Variants in CFAP20DC observed in about 807,000 individuals in gnomAD.
CFAP20DC encodes the protein protein CFAP20DC.
A neutral mutation model predicts 101.7 loss-of-function variants in CFAP20DC; 84 were observed. The ratio of observed to expected loss-of-function variants is 0.83; its 90% CI spans 0.69 to 0.99. The LOEUF is 0.99. CFAP20DC is among the 50% of genes least tolerant of loss of function. CFAP20DC has a pLI of 0.00. For missense variants in CFAP20DC, 1,007 were observed against 970.3 expected (o/e 1.04, Z -0.50); for synonymous variants, 359 against 351.2 (o/e 1.02, Z -0.25).
intron 14 of CFAP20DC, among the ~76,000 whole-genome samples, chr3:58,827,944 C>T (rs1434060912): frequency 6.6e-6 from 1 of 152,178 alleles, no homozygotes; most frequent in Non-Finnish European, 1.5e-5. Context: ...ACTCTTGTGG[C>T]AGAGAAGGTG....
intron 16 of CFAP20DC, among the ~76,000 whole-genome samples, chr3:58,750,042 G>A (rs2068459670): frequency 6.6e-6 from 1 of 152,142 alleles, no homozygotes; most frequent in Non-Finnish European, 1.5e-5. Flanking sequence ...CGAATGCAGT[G>A]CTCTTCCTGC....
rs1576277449 is a variant in CFAP20DC, at chr3:58,912,840, A to G, written c.550+868T>C. On this transcript the variant is annotated intron_variant, in intron 6 of 16. Transcript: ENST00000482387. This position sits in a 1 kb window ranked among gnomAD's most constrained non-coding sequence, Gnocchi z 4.4. ...GAAGAACTCAACTCTTTCCATTTTA[A>G]CTTGATCACTAGAAAATTAATATGA... 2.4e-6 allele frequency: 1 copy of G among 423,874 alleles called. No homozygotes were observed. Among genetic ancestry groups the G allele is most frequent in the Non-Finnish European group, 4.6e-6 (1 of 215,216 alleles). 26.3% of individuals were successfully genotyped at this position (423,874 alleles called of 1,614,324 possible). A position where few individuals can be genotyped will look rare whatever the true frequency, so the allele number is the denominator to read the frequency against.
chr3:58,944,603 C>A (rs2107901970), intron 4 of CFAP20DC, among the ~76,000 whole-genome samples: 1 of 151,818 alleles, frequency 6.6e-6, no homozygotes, highest in East Asian at 1.9e-4. Context: ...TACAGCAGTA[C>A]CAAGGATTCC....
chr3:58,990,101 G>C (rs1039218267), intron 4 of CFAP20DC, among the ~76,000 whole-genome samples: 1 of 152,128 alleles, frequency 6.6e-6, no homozygotes, highest in Non-Finnish European at 1.5e-5. Context: ...AATGCATTTT[G>C]TGTTCTCACA....
rs1346915153 is a variant in CFAP20DC, at chr3:58,728,833, G to T, written c.198-11205C>A. ...TCCAAGACATCTCTCAACAGCCCTA[G>T]CCTCCTGAAATTTACACCCTGTGTA... On this transcript the variant is annotated intron_variant, in intron 3 of 3. Transcript: ENST00000486145. This position sits in a 1 kb window ranked among gnomAD's most constrained non-coding sequence, Gnocchi z 4.7. 6.6e-6 allele frequency among the ~76,000 whole-genome samples: 1 copy of T among 152,060 alleles called. No homozygotes were observed. Among genetic ancestry groups the T allele is most frequent in the Non-Finnish European group, 1.5e-5 (1 of 68,008 alleles).
chr3:58,722,327 G>A lies in CFAP20DC; in HGVS notation c.198-4699C>T, dbSNP rs1380263778. The stretch of plus-strand genomic sequence containing the variant: ...GTTAAGCTGTCCACGGAACCCATGC[G>A]TGTACTACTATGGTAGTGGTCTTAT... On this transcript the variant is annotated intron_variant, in intron 3 of 3. Transcript: ENST00000486145. This position sits in a 1 kb window ranked among gnomAD's most constrained non-coding sequence, Gnocchi z 4.5. Among the ~76,000 whole-genome samples the A allele has an allele frequency of 3.3e-5, 5 of 152,166 alleles. No homozygotes were observed. The highest frequency in any genetic ancestry group is 7.3e-5 in the Non-Finnish European group (5 of 68,036).
chr3:58,786,756 C>T (rs554772554), intron 15 of CFAP20DC, among the ~76,000 whole-genome samples: 65 of 151,624 alleles, frequency 4.3e-4, no homozygotes, highest in African/African-American at 1.4e-3. Flanking sequence ...GTAAAAACCG[C>T]AAAAGTTCCC....
chr3:58,849,664 A>T (rs538350806), intron 12 of CFAP20DC, among the ~76,000 whole-genome samples: 2 of 152,300 alleles, frequency 1.3e-5, no homozygotes, highest in East Asian at 3.9e-4. Context: ...CATGAAAAAC[A>T]AGAGAACATT....
chr3:58,769,415 T>C (rs1447584332), intron 15 of CFAP20DC, among the ~76,000 whole-genome samples: 2 of 152,218 alleles, frequency 1.3e-5, no homozygotes, highest in African/African-American at 2.4e-5. Context: ...CCCATTTGTG[T>C]GACTGAATCG....
intron 16 of CFAP20DC, 85 bp downstream of exon 16, chr3:58,753,684 C>G (rs1249691626): frequency 1.1e-6 from 1 of 895,992 alleles, no homozygotes; most frequent in African/African-American, 1.7e-5. Context: ...TTAATAAAAA[C>G]AGTGGCATCT....
At chr3:59,021,545 A>G (rs2093802938) in intron 4 of CFAP20DC, among the ~76,000 whole-genome samples, 1 of 152,096 alleles carries the variant, frequency 6.6e-6, no homozygotes, top group Non-Finnish European at 1.5e-5. Context: ...AACCTCTAAA[A>G]TTGAAACCAG....
intron 10 of CFAP20DC, 94 bp downstream of exon 10, chr3:58,867,723 G>C: frequency 6.9e-7 from 1 of 1,447,628 alleles, no homozygotes; most frequent in Non-Finnish European, 9.6e-7. Flanking sequence ...AAATGGATTG[G>C]TTCATAATCC....
rs531759789 is a variant in CFAP20DC, at chr3:58,917,177, T to C, written c.394-3313A>G. The stretch of plus-strand genomic sequence containing the variant: ...CTATTTATTTCCAGCATAAAGGAGT[T>C]GGCTGGCAAAGGGTGACAGAATGAT... On this transcript the variant is annotated intron_variant, in intron 5 of 16. Transcript: ENST00000482387. Among the ~76,000 whole-genome samples, 4 of 152,282 alleles carry C rather than the reference T, an allele frequency of 2.6e-5. No individual in the cohort carries two copies. The East Asian group carries it at 7.7e-4, about 29-fold the overall frequency.
intron 6 of CFAP20DC, among the ~76,000 whole-genome samples, chr3:58,911,227 A>G (rs531218529): frequency 6.6e-6 from 1 of 152,284 alleles, no homozygotes; most frequent in Non-Finnish European, 1.5e-5. Flanking sequence ...CTGAAAACAG[A>G]TAAATAAAAT....
chr3:59,026,951 TA>T (rs1309396002), intron 4 of CFAP20DC, among the ~76,000 whole-genome samples: 1 of 152,230 alleles, frequency 6.6e-6, no homozygotes, highest in African/African-American at 2.4e-5. Context: ...TACGTGGACC[TA>T]AACTCCGTAA....
chr3:58,810,773 T>G (rs970176817), intron 14 of CFAP20DC, among the ~76,000 whole-genome samples: 2 of 151,632 alleles, frequency 1.3e-5, no homozygotes, highest in African/African-American at 4.9e-5. Flanking sequence ...TGTCCCTGTT[T>G]GCAGATGACA....
chr3:58,806,350 C>A (rs1559615047), intron 15 of CFAP20DC, 45 bp downstream of exon 15: 1 of 1,287,188 alleles, frequency 7.8e-7, no homozygotes, highest in Non-Finnish European at 1.1e-6. Context: ...AATCTTCCAA[C>A]TAAGTTTTTT....
intron 13 of CFAP20DC, among the ~76,000 whole-genome samples, chr3:58,846,627 C>T (rs1321308359): frequency 6.6e-6 from 1 of 151,548 alleles, no homozygotes; most frequent in Non-Finnish European, 1.5e-5. Context: ...CCCCATCAAG[C>T]TACCAATGAC....
At chr3:58,814,184 A>C (rs1214862975) in intron 14 of CFAP20DC, among the ~76,000 whole-genome samples, 1 of 151,736 alleles carries the variant, frequency 6.6e-6, no homozygotes, top group Non-Finnish European at 1.5e-5. Context: ...TCCATTTCTT[A>C]ATTTTATACT....
Sources: allele counts gnomAD v4.1 joint callset (sites outside exome capture counted in the v4.1 genomes callset), GRCh38; gene constraint gnomAD v4.1.1; non-coding constraint Gnocchi (gnomAD v3.1); transcripts MANE v1.5; gene names NCBI Gene and HGNC (gene_info 2026-07-23, HGNC 2026-07-21).